The following RPTOR variants were observed in gnomAD, a reference collection of about 807,000 sequenced individuals.
RPTOR encodes regulatory-associated protein of mTOR.
RPTOR carries 21 observed loss-of-function variants against 169.9 expected under a neutral mutation model. That is an observed-to-expected ratio of 0.12 (90% CI 0.09 to 0.18). RPTOR has a LOEUF of 0.18. RPTOR is among the 10% of genes least tolerant of loss of function. RPTOR has a pLI of 1.00. For missense variants in RPTOR, 1,133 were observed against 1,855.9 expected (o/e 0.61, Z 7.16); for synonymous variants, 732 against 753.2 (o/e 0.97, Z 0.46).
chr17:80,764,843 C>T (rs1026145705), intron 6 of RPTOR, among the ~76,000 whole-genome samples: 2 of 152,112 alleles, frequency 1.3e-5, no homozygotes, highest in Admixed American at 6.5e-5. Context: ...GACTTTTTAA[C>T]GATTGCCATT....
At chr17:80,698,245 C>T (rs2066053611) in intron 3 of RPTOR, among the ~76,000 whole-genome samples, 1 of 152,154 alleles carries the variant, frequency 6.6e-6, no homozygotes, top group Non-Finnish European at 1.5e-5. Flanking sequence ...AGGGGAGCCA[C>T]GTGAGGCCAG....
rs966517967 is a variant in RPTOR, at chr17:80,695,222, C to T, written c.349-12619C>T. Among the ~76,000 whole-genome samples the T allele has an allele frequency of 1.7e-4, 26 of 152,272 alleles. No homozygotes were observed. Among genetic ancestry groups the T allele is most frequent in the African/African-American group, 3.8e-4 (16 of 41,570 alleles). ...AGAGGCTGCCCCGACCCGTGCTGTG[C>T]GGGTCACTCACCCCCACATTGTCTG... On this transcript the variant is annotated intron_variant, in intron 3 of 33. Coordinates refer to ENST00000306801, the MANE Select transcript of RPTOR (RefSeq NM_020761.3). This position sits in a 1 kb window ranked among gnomAD's most constrained non-coding sequence, Gnocchi z 4.9.
At chr17:80,849,205 T>C (rs1189017061) in intron 11 of RPTOR, among the ~76,000 whole-genome samples, 1 of 152,246 alleles carries the variant, frequency 6.6e-6, no homozygotes, top group Non-Finnish European at 1.5e-5. Context: ...CCTTAAATTA[T>C]TCTCTAGTGC....
rs140130774 is a variant in RPTOR, at chr17:80,577,965, C to T, written c.162+32174C>T. On this transcript the variant is annotated intron_variant, in intron 1 of 33. Coordinates refer to ENST00000306801, the MANE Select transcript of RPTOR (RefSeq NM_020761.3). Reference sequence around the variant, plus strand: ...TATGGCCTGACGCTGTGATGTGCGGCGCAGTCAAATGCGTCAGACCCTGGC... The same window carrying T: ...TATGGCCTGACGCTGTGATGTGCGGTGCAGTCAAATGCGTCAGACCCTGGC... Among the ~76,000 whole-genome samples, 1,088 of 152,326 alleles carry T rather than the reference C, an allele frequency of 7.1e-3. 58 individuals are homozygous for T. The highest frequency in any genetic ancestry group is 0.062 in the Admixed American group (953 of 15,296).
chr17:80,654,876 G>A (rs960473039), intron 3 of RPTOR, among the ~76,000 whole-genome samples: 1 of 152,142 alleles, frequency 6.6e-6, no homozygotes, highest in Non-Finnish European at 1.5e-5. Flanking sequence ...ACTTGTATGC[G>A]ATGCATAATT....
intron 3 of RPTOR, among the ~76,000 whole-genome samples, chr17:80,688,422 G>A (rs1205525850): frequency 1.3e-5 from 2 of 152,306 alleles, no homozygotes; most frequent in East Asian, 1.9e-4. Flanking sequence ...ATAATTAAAA[G>A]GTTTATCAAG....
rs926121323 is a variant in RPTOR, at chr17:80,562,176, C to T, written c.162+16385C>T. On this transcript the variant is annotated intron_variant, in intron 1 of 33. Coordinates refer to ENST00000306801, the MANE Select transcript of RPTOR (RefSeq NM_020761.3). The surrounding 1 kb of genome is among the most constrained non-coding windows in gnomAD (Gnocchi z 4.4). ...GCGACCCTTGGTGACTGCTTGGGTG[C>T]AGGAGGATGCAGGGTGACACGCAGC... is the stretch of plus-strand genomic sequence containing the variant. Among the ~76,000 whole-genome samples the T allele has an allele frequency of 1.3e-5, 2 of 152,026 alleles. No individual in the cohort carries two copies. The highest frequency in any genetic ancestry group is 4.8e-5 in the African/African-American group (2 of 41,380).
At chr17:80,781,514 A>G (rs1399421306) in intron 6 of RPTOR, among the ~76,000 whole-genome samples, 1 of 152,220 alleles carries the variant, frequency 6.6e-6, no homozygotes, top group Non-Finnish European at 1.5e-5. Flanking sequence ...TAAAATACAC[A>G]GAACTTACTC....
At chr17:80,702,611 A>G (rs549268491) in intron 3 of RPTOR, among the ~76,000 whole-genome samples, 1 of 152,346 alleles carries the variant, frequency 6.6e-6, no homozygotes, top group Non-Finnish European at 1.5e-5. Context: ...CAGGAGGCGT[A>G]TTATTAATAT....
At chr17:80,784,181 T>G (rs1038647387) in intron 6 of RPTOR, among the ~76,000 whole-genome samples, 36 of 151,752 alleles carry the variant, frequency 2.4e-4, no homozygotes, top group Admixed American at 5.3e-4. Context: ...CTCACACTCG[T>G]GTCCTCAAGT....
chr17:80,918,560 G>A (rs2068708030), intron 21 of RPTOR, among the ~76,000 whole-genome samples: 3 of 151,324 alleles, frequency 2.0e-5, no homozygotes. Context: ...GGGGGTCATA[G>A]CCATGAGGCA....
In RPTOR at chr17:80,726,889, G is replaced by A. The variant is rs1043817141; in HGVS notation, c.508-3671G>A. On this transcript the variant is annotated intron_variant, in intron 4 of 33. Transcript: ENST00000306801. This position sits in a 1 kb window ranked among gnomAD's most constrained non-coding sequence, Gnocchi z 4.5. ...CTGCCCAATTAAAGGACGTCTTTTG[G>A]CCCTTCTTTCCCTTGGCAGCAGCAT... 2.0e-5 allele frequency among the ~76,000 whole-genome samples: 3 copies of A among 152,160 alleles called. No homozygotes were observed. Among genetic ancestry groups the A allele is most frequent in the African/African-American group, 7.2e-5 (3 of 41,422 alleles).
intron 20 of RPTOR, among the ~76,000 whole-genome samples, chr17:80,903,068 T>C (rs1187122457): frequency 6.6e-6 from 1 of 152,160 alleles, no homozygotes; most frequent in Non-Finnish European, 1.5e-5. Context: ...TTTTACGGTT[T>C]TGAAAATGAG....
At chr17:80,732,567 A>T (rs2066401793) in intron 5 of RPTOR, among the ~76,000 whole-genome samples, 1 of 152,202 alleles carries the variant, frequency 6.6e-6, no homozygotes, top group Non-Finnish European at 1.5e-5. Flanking sequence ...ATGTTAACTG[A>T]GTTGGCGAAT....
chr17:80,755,472 C>T (rs576711309), intron 6 of RPTOR, among the ~76,000 whole-genome samples: 3 of 152,230 alleles, frequency 2.0e-5, no homozygotes, highest in South Asian at 2.1e-4. Flanking sequence ...TGCAGTGGCT[C>T]ATGCCTGTAA....
At chr17:80,550,444 G>A (rs4627412) in intron 1 of RPTOR, among the ~76,000 whole-genome samples, 93,940 of 152,026 alleles carry the variant, frequency 0.62, 29,814 homozygotes, top group Middle Eastern at 0.71. Context: ...CCCATTCTCT[G>A]TTCTGGGTGT....
chr17:80,580,251 A>G (rs1418203761), intron 1 of RPTOR, among the ~76,000 whole-genome samples: 1 of 152,118 alleles, frequency 6.6e-6, no homozygotes, highest in Non-Finnish European at 1.5e-5. Context: ...CTTTGTTCAG[A>G]TTTCTGGTTA....
At chr17:80,548,169 G>A (rs753783081) in intron 1 of RPTOR, among the ~76,000 whole-genome samples, 14 of 141,572 alleles carry the variant, frequency 9.9e-5, no homozygotes, top group East Asian at 4.3e-4. Flanking sequence ...CTGCAGCCTC[G>A]ACCTCCTGGG....
chr17:80,747,457 G>C (rs564503972), intron 5 of RPTOR, among the ~76,000 whole-genome samples: 107 of 152,274 alleles, frequency 7.0e-4, no homozygotes, highest in African/African-American at 2.3e-3. Context: ...CGTACTTTGG[G>C]GGGCTTCTTA....
Sources: gnomAD v4.1 joint callset for allele counts (sites outside exome capture counted in the v4.1 genomes callset) on GRCh38, gnomAD v4.1.1 for gene constraint, Gnocchi (gnomAD v3.1) non-coding constraint, MANE v1.5 for transcripts, NCBI Gene and HGNC (gene_info 2026-07-23, HGNC 2026-07-21) for gene names.